Variants in SLC25A48 observed in about 807,000 individuals in gnomAD.
The protein encoded by SLC25A48 is solute carrier family 25 member 48.
Under a neutral mutation model 32.2 loss-of-function variants are expected in SLC25A48, and 29 were observed. That is an observed-to-expected ratio of 0.90 (90% CI 0.67 to 1.23). The LOEUF is 1.23. Among genes scored for constraint, SLC25A48 ranks in the 50% most tolerant of loss-of-function variants. SLC25A48 has a pLI of 0.00. For missense variants in SLC25A48, 399 were observed against 422.7 expected, an observed-to-expected ratio of 0.94 and a Z score of 0.49; for synonymous variants, 164 against 172.3, an observed-to-expected ratio of 0.95 and a Z score of 0.38.
At chr5:135,694,850 G>A (rs1262112659) in intron 3 of SLC25A48, among the ~76,000 whole-genome samples, 1 of 152,136 alleles carries the variant, frequency 6.6e-6, no homozygotes, top group Non-Finnish European at 1.5e-5. Context: ...CCCTCCCAAA[G>A]TGCTGAGATT....
At chr5:135,766,094 C>T (rs1756216400) in intron 3 of SLC25A48, among the ~76,000 whole-genome samples, 1 of 151,514 alleles carries the variant, frequency 6.6e-6, no homozygotes, top group African/African-American at 2.4e-5. Flanking sequence ...TATTTCTCCC[C>T]ATATCGCGGG....
chr5:135,610,607 G>A (rs1752042503), intron 1 of SLC25A48, among the ~76,000 whole-genome samples: 1 of 152,184 alleles, frequency 6.6e-6, no homozygotes, highest in Non-Finnish European at 1.5e-5. Flanking sequence ...ATTGTGGAAT[G>A]AGGTGTTGAG....
intron 3 of SLC25A48, among the ~76,000 whole-genome samples, chr5:135,799,469 T>C (rs4976389): frequency 0.77 from 116,212 of 151,214 alleles, 45,039 homozygotes; most frequent in Middle Eastern, 0.86. Flanking sequence ...AGGAAGTGTA[T>C]ACGTTCTCGG....
At chr5:135,671,040 C>T (rs529522139) in intron 3 of SLC25A48, among the ~76,000 whole-genome samples, 9 of 152,144 alleles carry the variant, frequency 5.9e-5, no homozygotes, top group Non-Finnish European at 7.3e-5. Context: ...TGTCATGGCA[C>T]GGACGAATGG....
intron 3 of SLC25A48, among the ~76,000 whole-genome samples, chr5:135,797,238 G>A (rs772335032): frequency 6.6e-6 from 1 of 151,904 alleles, no homozygotes; most frequent in African/African-American, 2.4e-5. Flanking sequence ...ATATCCAGAA[G>A]TGGAGAGCAT....
At chr5:135,880,235 C>A in intron 7 of SLC25A48, 138 bp downstream of exon 7, 1 of 1,288,934 alleles carries the variant, frequency 7.8e-7, no homozygotes, top group Non-Finnish European at 1.0e-6. Context: ...GCTGGGGCTG[C>A]CACCCTTTTC....
At chr5:135,600,126 G>A (rs997819820) in intron 1 of SLC25A48, among the ~76,000 whole-genome samples, 21 of 152,214 alleles carry the variant, frequency 1.4e-4, no homozygotes, top group African/African-American at 5.1e-4. Flanking sequence ...TGGGAACTGT[G>A]TCTTTGGGTG....
At chr5:135,878,885 C>T (rs1397872544) in intron 6 of SLC25A48, among the ~76,000 whole-genome samples, 1 of 152,176 alleles carries the variant, frequency 6.6e-6, no homozygotes, top group African/African-American at 2.4e-5. Context: ...CACAATCCCC[C>T]TCTCCAAAGC....
At chr5:135,682,011 AGACTT>A (rs749797040) in intron 3 of SLC25A48, among the ~76,000 whole-genome samples, 2 of 152,200 alleles carry the variant, frequency 1.3e-5, no homozygotes, top group Non-Finnish European at 2.9e-5. Context: ...ACTCAGCTAA[AGACTT>A]GAGAGTCTGC....
chr5:135,590,265 C>T (rs1028975509), intron 1 of SLC25A48, among the ~76,000 whole-genome samples: 1 of 152,224 alleles, frequency 6.6e-6, no homozygotes, highest in African/African-American at 2.4e-5. Context: ...GACCTCCCTC[C>T]TCTCCTTCAC....
chr5:135,641,362 A>G (rs1044529910), intron 3 of SLC25A48, among the ~76,000 whole-genome samples: 2 of 152,360 alleles, frequency 1.3e-5, no homozygotes, highest in African/African-American at 4.8e-5. Flanking sequence ...AAGGACTGAG[A>G]GTCCTTTGGT....
intron 3 of SLC25A48, among the ~76,000 whole-genome samples, chr5:135,781,519 G>A (rs763495543): frequency 8.5e-6 from 1 of 117,670 alleles, no homozygotes; most frequent in African/African-American, 2.6e-5. Flanking sequence ...CAACCACCCT[G>A]TGATATTGTT....
At chr5:135,813,250 G>A (rs984568837) in intron 4 of SLC25A48, 1 of 152,494 alleles carries the variant, frequency 6.6e-6, no homozygotes, top group Non-Finnish European at 1.5e-5. Context: ...GGGGCCTCAG[G>A]AGTGATGGGA....
chr5:135,609,431 CT>C (rs1324333447), intron 1 of SLC25A48: 1 of 152,206 alleles, frequency 6.6e-6, no homozygotes, highest in East Asian at 1.9e-4. Context: ...ATAGATCCCA[CT>C]TTAAATAGTA....
chr5:135,678,307 A>G (rs1364202884), intron 3 of SLC25A48, among the ~76,000 whole-genome samples: 1 of 152,014 alleles, frequency 6.6e-6, no homozygotes, highest in Non-Finnish European at 1.5e-5. Context: ...AATCTAGTCT[A>G]TTGTTGAAGC....
intron 1 of SLC25A48, among the ~76,000 whole-genome samples, chr5:135,606,003 C>A (rs1037804256): frequency 4.6e-5 from 7 of 152,112 alleles, no homozygotes; most frequent in African/African-American, 1.2e-4. Context: ...CTAAGCAATG[C>A]CACTGCAGAG....
chr5:135,586,312 C>A (rs1445136468), intron 1 of SLC25A48, among the ~76,000 whole-genome samples: 1 of 152,116 alleles, frequency 6.6e-6, no homozygotes, highest in Non-Finnish European at 1.5e-5. Context: ...GGAGGGCATC[C>A]CAGAGTTCTC....
intron 3 of SLC25A48, among the ~76,000 whole-genome samples, chr5:135,657,788 C>A (rs149779474): frequency 6.6e-6 from 1 of 152,226 alleles, no homozygotes. Flanking sequence ...GGAAGAAATG[C>A]ATTAGCCCGA....
chr5:135,661,319 C>G (rs1252881471), intron 3 of SLC25A48, among the ~76,000 whole-genome samples: 1 of 152,190 alleles, frequency 6.6e-6, no homozygotes, highest in Admixed American at 6.5e-5. Context: ...GGGAGCAGCT[C>G]TAAATTGCCA....
Sources: allele counts gnomAD v4.1 joint callset (sites outside exome capture counted in the v4.1 genomes callset), GRCh38; gene constraint gnomAD v4.1.1; transcripts MANE v1.5; gene names NCBI Gene and HGNC (gene_info 2026-07-23, HGNC 2026-07-21).